The following HYOU1 variants were observed in gnomAD, a reference collection of about 807,000 sequenced individuals.
HYOU1 encodes the protein hypoxia up-regulated protein 1.
HYOU1 carries 40 observed loss-of-function variants against 120.5 expected under a neutral mutation model. The observed-to-expected ratio is 0.33, with a 90% CI of 0.26 to 0.43. The LOEUF (loss-of-function observed/expected upper bound fraction) is 0.43. HYOU1 is among the 20% of genes least tolerant of loss of function. The pLI, the probability that HYOU1 is intolerant of heterozygous loss-of-function variation, is 1.00. For missense variants in HYOU1, 1,085 were observed against 1,278.3 expected, an observed-to-expected ratio of 0.85 and a Z score of 2.31; for synonymous variants, 501 against 479.4, an observed-to-expected ratio of 1.05 and a Z score of -0.59.
intron 8 of HYOU1, chr11:119,053,610 A>G (rs1263212859): frequency 6.6e-6 from 1 of 152,572 alleles, no homozygotes; most frequent in Admixed American, 6.5e-5. Context: ...CTGAAAGGAG[A>G]CGTCACTAGG....
Position 119,048,898 on chromosome 11 carries a change from G to A in HYOU1, c.1993-12C>T, listed in dbSNP as rs2133568248. 21 of 1,603,728 alleles carry A rather than the reference G, an allele frequency of 1.3e-5. No individual in the cohort carries two copies. The highest frequency in any genetic ancestry group is 8.6e-5 in the Admixed American group (5 of 58,080). ...TTCTCACTTGGTTTCTGGGTGGGAA[G>A]AGTCAGGGGTGTCAGGAAAAGCCTC... On this transcript the variant is annotated splice_polypyrimidine_tract_variant and intron_variant, in intron 17 of 25. Transcript: ENST00000617285. This position sits in a 1 kb window ranked among gnomAD's most constrained non-coding sequence, Gnocchi z 4.7.
At position 119,051,438 on chromosome 11, in the gene HYOU1, C is replaced by A. The variant is rs2133584960; in HGVS notation, c.1526G>T (p.Arg509Leu). ...DLGFLGPEDL[R>L]VFGSQNLTTV... ...CCCATCCTACACCCCTGCCCCTCAC[C>A]GAAGATCTTCAGGCCCCAGGAAGCC... Residue 509 changes from arginine (R) to leucine (L), a missense_variant and splice_region_variant, in exon 13 of 26, where the codon CGG (arginine) becomes CTG (leucine). Transcript: ENST00000617285. This position sits in a 1 kb window ranked among gnomAD's most constrained non-coding sequence, Gnocchi z 4.2. The A allele has an allele frequency of 6.2e-7, 1 of 1,613,982 alleles. No individual in the cohort carries two copies. Among genetic ancestry groups the A allele is most frequent in the East Asian group, 2.2e-5 (1 of 44,890 alleles).
intron 16 of HYOU1, 41 bp downstream of exon 16, chr11:119,049,515 C>T (rs1263109508): frequency 6.2e-7 from 1 of 1,604,836 alleles, no homozygotes; most frequent in African/African-American, 1.3e-5. Flanking sequence ...CCTGCATCCC[C>T]CACCGTCCTC....
rs2133589825 is a variant in HYOU1 at position 119,052,052 on chromosome 11, G to T, written c.1205+38C>A. On this transcript the variant is annotated intron_variant, in intron 11 of 25. Coordinates refer to ENST00000617285, the MANE Select transcript of HYOU1 (RefSeq NM_006389.5). The surrounding 1 kb of genome is among the most constrained non-coding windows in gnomAD (Gnocchi z 5.0). ...CTGCTCAGCCCAAAGCCCTGCCCCA[G>T]GCAGAACTCAGCCAAGCGCTCTAGC... The T allele has an allele frequency of 2.5e-6, 4 of 1,613,936 alleles. No homozygotes were observed. Among genetic ancestry groups the T allele is most frequent in the Non-Finnish European group, 3.4e-6 (4 of 1,179,890 alleles).
Position 119,049,840 on chromosome 11 carries a change from G to A in HYOU1, c.1666-3C>T, listed in dbSNP as rs1054985466. 3 of 1,613,724 alleles carry A rather than the reference G, an allele frequency of 1.9e-6. No homozygotes were observed. Among genetic ancestry groups the A allele is most frequent in the Non-Finnish European group, 2.5e-6 (3 of 1,179,684 alleles). On this transcript the variant is annotated splice_region_variant and splice_polypyrimidine_tract_variant and intron_variant, in intron 14 of 25. Coordinates refer to ENST00000617285, the MANE Select transcript of HYOU1 (RefSeq NM_006389.5). Reference sequence around the variant, plus strand: ...AGTGTCTCAAATACAGACTCCACCTGAAAACAGGTTCAAAATGAAAAAATA... The same window carrying A: ...AGTGTCTCAAATACAGACTCCACCTAAAAACAGGTTCAAAATGAAAAAATA...
Position 119,046,822 on chromosome 11 carries a change from AG to A in HYOU1, c.2596-21del. The A allele has an allele frequency of 6.3e-7, 1 of 1,597,396 alleles. No individual in the cohort carries two copies. Among genetic ancestry groups the A allele is most frequent in the Non-Finnish European group, 8.5e-7 (1 of 1,179,394 alleles). On this transcript the variant is annotated intron_variant, in intron 22 of 25. Coordinates refer to ENST00000617285, the MANE Select transcript of HYOU1 (RefSeq NM_006389.5). The stretch of plus-strand genomic sequence containing the variant: ...CCAGGCCTGTGGGTGAGACCAGGAG[AG>A]GCTCCAAGCTAGCCATGGAGAGAGC...
At chr11:119,054,288 G>T (rs1475539780) in intron 7 of HYOU1, 52 bp from the exon 8 acceptor site, 2 of 1,427,548 alleles carry the variant, frequency 1.4e-6, no homozygotes, top group Non-Finnish European at 9.9e-7. Context: ...ACTCCAGGGG[G>T]CCTGCCTGCC....
At chr11:119,053,877 G>C (rs1565719533) in intron 8 of HYOU1, 3 of 417,334 alleles carry the variant, frequency 7.2e-6, no homozygotes, top group South Asian at 4.3e-5. Context: ...TATTGCCTGC[G>C]GCTCCATGGA....
In HYOU1 at chr11:119,052,254, C is replaced by T; in HGVS notation, c.1122+41G>A. On this transcript the variant is annotated intron_variant, in intron 10 of 25. Transcript: ENST00000617285. The surrounding 1 kb of genome is among the most constrained non-coding windows in gnomAD (Gnocchi z 5.0). The stretch of plus-strand genomic sequence containing the variant: ...TTGACGTCCCATGGGTTTCCTATGC[C>T]CTTTCCTACGGGGCATTCCCGCCTT... The T allele has an allele frequency of 6.2e-7, 1 of 1,614,048 alleles. No homozygotes were observed. Among genetic ancestry groups the T allele is most frequent in the South Asian group, 1.1e-5 (1 of 91,068 alleles).
rs2133568234 is a variant in HYOU1, at chr11:119,048,895, G to T, written c.1993-9C>A. ...GCCTTCTCACTTGGTTTCTGGGTGGGAAGAGTCAGGGGTGTCAGGAAAAGC... is the reference window on the plus strand; with the variant it reads ...GCCTTCTCACTTGGTTTCTGGGTGGTAAGAGTCAGGGGTGTCAGGAAAAGC... On this transcript the variant is annotated splice_polypyrimidine_tract_variant and intron_variant, in intron 17 of 25. Transcript: ENST00000617285. The surrounding 1 kb of genome is among the most constrained non-coding windows in gnomAD (Gnocchi z 4.7). The T allele has an allele frequency of 1.9e-6, 3 of 1,604,634 alleles. No homozygotes were observed. The highest frequency in any genetic ancestry group is 2.6e-6 in the Non-Finnish European group (3 of 1,175,892).
Position 119,051,485 on chromosome 11 carries a change from G to A in HYOU1, c.1479C>T (p.Phe493=), listed in dbSNP as rs1279603968. 1 of 1,614,150 alleles carries A rather than the reference G, an allele frequency of 6.2e-7. No homozygotes were observed. Among genetic ancestry groups the A allele is most frequent in the South Asian group, 1.1e-5 (1 of 91,080 alleles). The stretch of plus-strand genomic sequence containing the variant: ...AGCCCAGGTCGCCGTAGTTGATGTG[G>A]AAGTTGAAATCATGGCTGTAGCGGT... ...TFNRYSHDFN[F]HINYGDLGFL... Residue 493 remains phenylalanine, a synonymous_variant, in exon 13 of 26, where the codon TTC becomes TTT. Transcript: ENST00000617285. The surrounding 1 kb of genome is among the most constrained non-coding windows in gnomAD (Gnocchi z 4.2).
In HYOU1 at chr11:119,052,333, G is replaced by C; in HGVS notation, c.1084C>G (p.Pro362Ala). Residue 362 changes from proline (P) to alanine (A), a missense_variant, in exon 10 of 26, where the codon CCT becomes GCT. Physicochemically the swap from Pro to Ala is conservative, Grantham distance 27. Coordinates refer to ENST00000617285, the MANE Select transcript of HYOU1 (RefSeq NM_006389.5). This position sits in a 1 kb window ranked among gnomAD's most constrained non-coding sequence, Gnocchi z 5.0. ...CADLFERVPG[P>A]VQQALQSAEM... ...GCACTCTGGAGGGCCTGCTGTACAG[G>C]CCCAGGCACCCGCTCAAACAAGTCT... is the stretch of plus-strand genomic sequence containing the variant. 1 of 1,614,158 alleles carries C rather than the reference G, an allele frequency of 6.2e-7. No homozygotes were observed. The highest frequency in any genetic ancestry group is 8.5e-7 in the Non-Finnish European group (1 of 1,180,024).
chr11:119,045,865 A>C, intron 24 of HYOU1, 34 bp from the exon 25 acceptor site: 1 of 1,608,106 alleles, frequency 6.2e-7, no homozygotes, highest in Non-Finnish European at 8.5e-7. Flanking sequence ...GTCTCCTCAG[A>C]AGGGAGGAAG....
rs1478206306 is a variant in HYOU1 at position 119,047,833 on chromosome 11, G to A, written c.2511-15C>T. On this transcript the variant is annotated splice_polypyrimidine_tract_variant and intron_variant, in intron 21 of 25. Coordinates refer to ENST00000617285, the MANE Select transcript of HYOU1 (RefSeq NM_006389.5). ...GCCGGGCCCCCCTGGAAGCCAGAAA[G>A]GAGACCATTAGCCCCAGAGGGAGAG... is the stretch of plus-strand genomic sequence containing the variant. The A allele has an allele frequency of 4.3e-6, 7 of 1,613,818 alleles. No individual in the cohort carries two copies. Among genetic ancestry groups the A allele is most frequent in the Non-Finnish European group, 5.9e-6 (7 of 1,179,922 alleles).
chr11:119,049,451 A>G, intron 16 of HYOU1, 105 bp downstream of exon 16: 1 of 1,560,664 alleles, frequency 6.4e-7, no homozygotes, highest in Non-Finnish European at 8.8e-7. Flanking sequence ...GTGAATGGTT[A>G]ACACAACAGG....
chr11:119,056,667 C>CTTTTTA, intron 1 of HYOU1: 1 of 305,638 alleles, frequency 3.3e-6, no homozygotes, highest in South Asian at 2.8e-5. Flanking sequence ...TCCTCCTCGG[C>CTTTTTA]ATCCCTGCGG....
intron 1 of HYOU1, chr11:119,056,438 G>A (rs987757520): frequency 1.9e-6 from 1 of 536,946 alleles, no homozygotes; most frequent in African/African-American, 1.9e-5. Flanking sequence ...CAAGAGAAAG[G>A]AGACCCGAGC....
chr11:119,055,366 G>T lies in HYOU1; in HGVS notation c.265-27C>A, dbSNP rs2133612971. ...TGAGGGGTGAAGAAGGAGCAGACTA[G>T]TATTAGGCTCCCAAGTCCACCATTA... is the stretch of plus-strand genomic sequence containing the variant. On this transcript the variant is annotated intron_variant, in intron 4 of 25. Coordinates refer to ENST00000617285, the MANE Select transcript of HYOU1 (RefSeq NM_006389.5). This position sits in a 1 kb window ranked among gnomAD's most constrained non-coding sequence, Gnocchi z 4.0. The T allele has an allele frequency of 2.9e-5, 47 of 1,610,306 alleles. No individual in the cohort carries two copies. Among genetic ancestry groups the T allele is most frequent in the Non-Finnish European group, 4.0e-5 (47 of 1,177,386 alleles).
intron 6 of HYOU1, 91 bp downstream of exon 6, chr11:119,054,893 G>A: frequency 7.4e-7 from 1 of 1,352,320 alleles, no homozygotes; most frequent in South Asian, 1.2e-5. Flanking sequence ...GTTGCTAAAT[G>A]TTCCCTGGGA....
Sources: allele counts gnomAD v4.1 joint callset, GRCh38; gene constraint gnomAD v4.1.1; non-coding constraint Gnocchi (gnomAD v3.1); transcripts MANE v1.5; gene names NCBI Gene and HGNC (gene_info 2026-07-23, HGNC 2026-07-21).